Variants in PLD5 observed in about 807,000 individuals in gnomAD.
PLD5 encodes the protein inactive phospholipase D5.
PLD5 carries 36 observed loss-of-function variants against 61.1 expected under a neutral mutation model. The ratio of observed to expected loss-of-function variants is 0.59; its 90% CI spans 0.45 to 0.78. The LOEUF is 0.78. Among genes scored for constraint, PLD5 ranks in the 30% least tolerant of loss-of-function variants. The pLI is 0.00. For missense variants in PLD5, 515 were observed against 644.4 expected (o/e 0.80, Z 2.17); for synonymous variants, 243 against 242.8 (o/e 1.00, Z -0.01).
intron 1 of PLD5, among the ~76,000 whole-genome samples, chr1:242,476,281 G>T (rs186373683): frequency 1.3e-5 from 2 of 152,168 alleles, no homozygotes; most frequent in Non-Finnish European, 2.9e-5. Context: ...CTTGGACCTG[G>T]GAGGCAGAGG....
chr1:242,242,005 A>ATATG (rs1672076561), intron 4 of PLD5, among the ~76,000 whole-genome samples: 1 of 115,910 alleles, frequency 8.6e-6, no homozygotes, highest in Non-Finnish European at 1.7e-5. Flanking sequence ...ATATATATAT[A>ATATG]TATATAGACA....
chr1:242,110,794 A>G (rs1299744251), intron 7 of PLD5, among the ~76,000 whole-genome samples: 1 of 151,166 alleles, frequency 6.6e-6, no homozygotes, highest in Non-Finnish European at 1.5e-5. Flanking sequence ...GGGCGACAAG[A>G]GCAAAACTCT....
At chr1:242,099,628 C>T (rs1376078914) in intron 9 of PLD5, among the ~76,000 whole-genome samples, 2 of 152,166 alleles carry the variant, frequency 1.3e-5, no homozygotes, top group Non-Finnish European at 2.9e-5. Flanking sequence ...ATCTGTATTT[C>T]TCCAAGTCTT....
intron 1 of PLD5, among the ~76,000 whole-genome samples, chr1:242,384,141 C>T (rs1293279579): frequency 6.6e-6 from 1 of 152,240 alleles, no homozygotes; most frequent in Non-Finnish European, 1.5e-5. Flanking sequence ...CTCAGGATCA[C>T]CAGAGTCTTT....
intron 1 of PLD5, among the ~76,000 whole-genome samples, chr1:242,394,888 A>ATATATATGAT (rs1553366805): frequency 1.3e-5 from 1 of 74,626 alleles, no homozygotes; most frequent in Non-Finnish European, 2.7e-5. Flanking sequence ...GAATATATGT[A>ATATATATGAT]TATATATGAT....
At position 242,207,900 on chromosome 1, in the gene PLD5, A is replaced by ATT. The variant is rs1558344454; in HGVS notation, c.735+12087_735+12088insAA. On this transcript the variant is annotated intron_variant, in intron 5 of 9. Coordinates refer to ENST00000536534, the MANE Select transcript of PLD5 (RefSeq NM_001372062.1). ...TATTTATATATTTATATATATTTATATATTTATATATATTTATATATTTAT... is the reference window on the plus strand; with the variant it reads ...TATTTATATATTTATATATATTTATATTTATTTATATATATTTATATATTTAT... 7.2e-3 allele frequency among the ~76,000 whole-genome samples: 62 copies of ATT among 8,656 alleles called. 6 individuals carry two copies. Among genetic ancestry groups the ATT allele is most frequent in the African/African-American group, 0.03 (59 of 1,960 alleles). The allele number at this position is 8,656 out of a possible 152,430, so 5.7% of individuals were successfully genotyped here. A position where few individuals can be genotyped will look rare whatever the true frequency, so the allele number is the denominator to read the frequency against.
intron 5 of PLD5, among the ~76,000 whole-genome samples, chr1:242,146,181 T>C (rs1664530301): frequency 6.6e-6 from 1 of 152,106 alleles, no homozygotes. Context: ...AGTGAGTTTT[T>C]AAAGACTTCT....
chr1:242,267,146 A>AAG lies in PLD5; in HGVS notation c.496-1700_496-1699dup, dbSNP rs1276916288. 1.2e-3 allele frequency among the ~76,000 whole-genome samples: 184 copies of AAG among 151,640 alleles called. 1 individual carries two copies. The highest frequency in any genetic ancestry group is 4.2e-3 in the African/African-American group (175 of 41,250). ...TAAATAAATAAAAAAACAAAAAAAA[A>AAG]AGAGAGAGAAAAGAGAGAAAGGAAA... On this transcript the variant is annotated intron_variant, in intron 3 of 9. Transcript: ENST00000536534.
At chr1:242,267,967 A>G (rs2149107668) in intron 3 of PLD5, among the ~76,000 whole-genome samples, 1 of 151,954 alleles carries the variant, frequency 6.6e-6, no homozygotes, top group Middle Eastern at 3.5e-3. Flanking sequence ...ACAGAGAAGG[A>G]CAGGAAAGAA....
intron 1 of PLD5, among the ~76,000 whole-genome samples, chr1:242,425,603 T>A (rs1173493023): frequency 6.6e-6 from 1 of 152,076 alleles, no homozygotes; most frequent in East Asian, 1.9e-4. Flanking sequence ...AACATTTTTC[T>A]TTCTTCAATA....
At chr1:242,119,384 C>T (rs999677185) in intron 6 of PLD5, among the ~76,000 whole-genome samples, 1 of 151,966 alleles carries the variant, frequency 6.6e-6, no homozygotes, top group Non-Finnish European at 1.5e-5. Context: ...GACACCTGAA[C>T]CCAGGAATTT....
chr1:242,375,118 G>A (rs1016826520), intron 1 of PLD5, among the ~76,000 whole-genome samples: 2 of 152,124 alleles, frequency 1.3e-5, no homozygotes, highest in South Asian at 2.1e-4. Context: ...CCCGAGCTGC[G>A]TAACCATCCA....
chr1:242,366,887 C>A (rs184310106), intron 1 of PLD5, among the ~76,000 whole-genome samples: 5 of 151,512 alleles, frequency 3.3e-5, no homozygotes, highest in Non-Finnish European at 5.9e-5. Flanking sequence ...GTTTTACAAC[C>A]CTGGTTATTT....
chr1:242,271,802 G>A (rs1224588652), intron 3 of PLD5, among the ~76,000 whole-genome samples: 3 of 151,954 alleles, frequency 2.0e-5, no homozygotes, highest in Admixed American at 6.6e-5. Context: ...GGAACAATAC[G>A]ATATGTACAT....
intron 5 of PLD5, among the ~76,000 whole-genome samples, chr1:242,162,538 CTATTT>C (rs1056502500): frequency 9.9e-5 from 15 of 152,078 alleles, no homozygotes; most frequent in African/African-American, 3.6e-4. Flanking sequence ...CTAGATTTAG[CTATTT>C]TATTTTCTCA....
chr1:242,308,582 CTATA>C (rs1339362592), intron 2 of PLD5, among the ~76,000 whole-genome samples: 1 of 151,610 alleles, frequency 6.6e-6, no homozygotes, highest in Non-Finnish European at 1.5e-5. Flanking sequence ...TATACATATA[CTATA>C]TATATCAGAA....
At chr1:242,393,509 AGTATATATATATGTGTATATATG>A (rs1663087597) in intron 1 of PLD5, among the ~76,000 whole-genome samples, 5 of 1,090 alleles carry the variant, frequency 4.6e-3, no homozygotes, top group African/African-American at 0.025. Context: ...TGTATATATG[AGTATATATATATGTGTATATATG>A]TGAGTATATA....
intron 1 of PLD5, among the ~76,000 whole-genome samples, chr1:242,418,583 T>A (rs1420899610): frequency 6.6e-6 from 1 of 152,092 alleles, no homozygotes; most frequent in Admixed American, 6.5e-5. Context: ...ATGGGGAGTC[T>A]TGGAAACTCC....
rs539581155 is a variant in PLD5 at position 242,163,529 on chromosome 1, G to A, written c.736-38864C>T. ...TTGAATTAGAATTCAAAGAACAAGA[G>A]AGGGACGGAAGGAAAGAGAAAGAGG... is the stretch of plus-strand genomic sequence containing the variant. On this transcript the variant is annotated intron_variant, in intron 5 of 9. Coordinates refer to ENST00000536534, the MANE Select transcript of PLD5 (RefSeq NM_001372062.1). Among the ~76,000 whole-genome samples the A allele has an allele frequency of 2.0e-5, 3 of 152,298 alleles. No homozygotes were observed. In the South Asian group the frequency reaches 6.2e-4, roughly 32 times the overall value.
Sources: gnomAD v4.1 joint callset for allele counts (sites outside exome capture counted in the v4.1 genomes callset) on GRCh38, gnomAD v4.1.1 for gene constraint, MANE v1.5 for transcripts, NCBI Gene and HGNC (gene_info 2026-07-23, HGNC 2026-07-21) for gene names.